Variants in PTPRK observed in about 807,000 individuals in gnomAD.
PTPRK encodes protein tyrosine phosphatase receptor type K.
Under a neutral mutation model 178.0 loss-of-function variants are expected in PTPRK, and 75 were observed. The ratio of observed to expected loss-of-function variants is 0.42; its 90% confidence interval spans 0.35 to 0.51. The LOEUF (loss-of-function observed/expected upper bound fraction) is 0.51. Ranked by LOEUF, PTPRK falls within the 20% of genes least tolerant of loss-of-function variation. The pLI, the probability that PTPRK is intolerant of heterozygous loss-of-function variation, is 0.02. For synonymous variants in PTPRK, 637 were observed against 620.6 expected, an observed-to-expected ratio of 1.03 and a Z score of -0.39; for missense variants, 1,441 against 1,797.8, an observed-to-expected ratio of 0.80 and a Z score of 3.59.
At chr6:128,074,625 A>G (rs1562534328) in intron 11 of PTPRK, among the ~76,000 whole-genome samples, 1 of 152,106 alleles carries the variant, frequency 6.6e-6, no homozygotes, top group Admixed American at 6.6e-5. Flanking sequence ...GGAGATTCAA[A>G]GTTCTACTTA....
intron 14 of PTPRK, chr6:128,006,122 C>G (rs1778384619): frequency 8.5e-7 from 1 of 1,169,634 alleles, no homozygotes; most frequent in South Asian, 1.5e-5. Context: ...GACTCTGTCA[C>G]ATTCAATAAA....
intron 2 of PTPRK, among the ~76,000 whole-genome samples, chr6:128,346,535 ATTT>A (rs1220880138): frequency 6.6e-6 from 1 of 152,126 alleles, no homozygotes. Flanking sequence ...GAATTGCTTT[ATTT>A]TTTAGTTGCC....
intron 13 of PTPRK, among the ~76,000 whole-genome samples, chr6:128,036,488 CA>C (rs1015825154): frequency 5.9e-5 from 9 of 151,496 alleles, no homozygotes; most frequent in African/African-American, 2.4e-5. Context: ...TGGAAAAAGG[CA>C]AAAAAAGGAA....
chr6:127,998,997 G>A, intron 15 of PTPRK, 93 bp from the exon 16 acceptor site: 3 of 1,050,992 alleles, frequency 2.9e-6, no homozygotes, highest in Non-Finnish European at 4.0e-6. Flanking sequence ...AAGACCTTAA[G>A]ATCTTTCTGA....
At chr6:128,229,829 A>C (rs763363440) in intron 5 of PTPRK, among the ~76,000 whole-genome samples, 44 of 152,228 alleles carry the variant, frequency 2.9e-4, no homozygotes, top group Non-Finnish European at 4.9e-4. Context: ...ATAGGGAACC[A>C]ACTCATTTTA....
chr6:128,336,287 G>A (rs1396804359), intron 2 of PTPRK, among the ~76,000 whole-genome samples: 1 of 151,466 alleles, frequency 6.6e-6, no homozygotes, highest in East Asian at 1.9e-4. Flanking sequence ...AAGGCTCAAT[G>A]GGTAAACACA....
intron 3 of PTPRK, among the ~76,000 whole-genome samples, chr6:128,243,488 T>TAAAAAAAAAAAAAAAAAAAA (rs760606919): frequency 6.8e-5 from 4 of 59,138 alleles, no homozygotes; most frequent in Non-Finnish European, 7.4e-5. Context: ...AGCCTGTCGC[T>TAAAAAAAAAAAAAAAAAAAA]AAAAAAAAAA....
At chr6:128,441,397 C>A (rs376558014) in intron 1 of PTPRK, among the ~76,000 whole-genome samples, 1 of 151,790 alleles carries the variant, frequency 6.6e-6, no homozygotes, top group East Asian at 1.9e-4. Flanking sequence ...AAGTAAGCAA[C>A]AAAGAGATAG....
At chr6:127,978,870 G>A (rs1190615735) in intron 25 of PTPRK, among the ~76,000 whole-genome samples, 1 of 152,196 alleles carries the variant, frequency 6.6e-6, no homozygotes, top group Non-Finnish European at 1.5e-5. Flanking sequence ...TAATGATGGG[G>A]ATAAAGGGTA....
intron 2 of PTPRK, among the ~76,000 whole-genome samples, chr6:128,342,913 C>G (rs1269799305): frequency 6.6e-6 from 1 of 151,536 alleles, no homozygotes; most frequent in Non-Finnish European, 1.5e-5. Flanking sequence ...ATAGCAAGGC[C>G]TCATTTCTAA....
intron 3 of PTPRK, among the ~76,000 whole-genome samples, chr6:128,303,829 T>A (rs1825990867): frequency 6.6e-6 from 1 of 152,204 alleles, no homozygotes; most frequent in African/African-American, 2.4e-5. Flanking sequence ...GAGCATACAA[T>A]TTTCATAATG....
intron 7 of PTPRK, among the ~76,000 whole-genome samples, chr6:128,108,395 A>G (rs1016170501): frequency 3.3e-5 from 5 of 152,212 alleles, no homozygotes; most frequent in African/African-American, 9.6e-5. Context: ...ACTATGTGCC[A>G]TGGAAAAAGC....
chr6:128,272,185 T>C (rs142122425), intron 3 of PTPRK, among the ~76,000 whole-genome samples: 2,385 of 152,230 alleles, frequency 0.016, 28 homozygotes, highest in African/African-American at 0.035. Flanking sequence ...ATTCCTTCCT[T>C]ACACCTTATA....
At position 127,995,444 on chromosome 6, in the gene PTPRK, A is replaced by C; in HGVS notation, c.2844+18T>G. On this transcript the variant is annotated intron_variant, in intron 18 of 29. Coordinates refer to ENST00000368226, the MANE Select transcript of PTPRK (RefSeq NM_002844.4). The stretch of plus-strand genomic sequence containing the variant: ...ATAAGCCAATAAAGTAGACATACTT[A>C]ACTATAAAAATACTTACATCAATAT... The C allele has an allele frequency of 6.5e-7, 1 of 1,539,608 alleles. No individual in the cohort carries two copies. The highest frequency in any genetic ancestry group is 8.9e-7 in the Non-Finnish European group (1 of 1,119,726).
chr6:128,064,338 A>C (rs1239099235), intron 13 of PTPRK, among the ~76,000 whole-genome samples: 1 of 152,212 alleles, frequency 6.6e-6, no homozygotes, highest in Non-Finnish European at 1.5e-5. Flanking sequence ...ATATGGACTA[A>C]TCTCTATCCC....
chr6:128,471,054 C>T (rs1313329138), intron 1 of PTPRK, among the ~76,000 whole-genome samples: 1 of 151,734 alleles, frequency 6.6e-6, no homozygotes, highest in East Asian at 1.9e-4. Context: ...TATGATAATG[C>T]CTTCAATAAA....
At position 128,266,785 on chromosome 6, in the gene PTPRK, T is replaced by A. The variant is rs200770840; in HGVS notation, c.496-24183A>T. Among the ~76,000 whole-genome samples the A allele has an allele frequency of 2.0e-5, 3 of 152,106 alleles. No homozygotes were observed. The East Asian group carries it at 5.8e-4, about 29-fold the overall frequency. On this transcript the variant is annotated intron_variant, in intron 3 of 29. Transcript: ENST00000368226. ...AACCAGCTTTCAACTCGGAAGTTTT[T>A]GTGTGCTTCCTGAAAACAATGTTTT...
chr6:128,294,092 T>G (rs1391338398), intron 3 of PTPRK, among the ~76,000 whole-genome samples: 1 of 152,146 alleles, frequency 6.6e-6, no homozygotes, highest in Admixed American at 6.6e-5. Flanking sequence ...CAAGGACAAT[T>G]AAAAATGTTT....
chr6:128,442,030 A>G (rs1846347435), intron 1 of PTPRK, among the ~76,000 whole-genome samples: 1 of 152,210 alleles, frequency 6.6e-6, no homozygotes, highest in Admixed American at 6.5e-5. Context: ...TCAGATCTCA[A>G]GTGTTAACTC....
Sources: gnomAD v4.1 joint callset for allele counts (sites outside exome capture counted in the v4.1 genomes callset) on GRCh38, gnomAD v4.1.1 for gene constraint, MANE v1.5 for transcripts, NCBI Gene and HGNC (gene_info 2026-07-23, HGNC 2026-07-21) for gene names.